Variants in ERC2 observed in about 807,000 individuals in gnomAD.
ERC2 encodes ELKS/RAB6-interacting/CAST family member 2, also known as ERC protein 2.
ERC2 carries 42 observed loss-of-function variants against 114.8 expected under a neutral mutation model. That is an observed-to-expected ratio of 0.37 (90% CI 0.29 to 0.47). ERC2 has a LOEUF of 0.47. Among genes scored for constraint, ERC2 ranks in the 20% least tolerant of loss-of-function variants. The pLI, the probability that ERC2 is intolerant of heterozygous loss-of-function variation, is 0.99. For synonymous variants in ERC2, 454 were observed against 425.5 expected (o/e 1.07, Z -0.82); for missense variants, 939 against 1,150.7 (o/e 0.82, Z 2.66).
intron 2 of ERC2, among the ~76,000 whole-genome samples, chr3:56,311,188 A>C (rs1416417584): frequency 4.1e-5 from 6 of 147,150 alleles, no homozygotes; most frequent in Non-Finnish European, 8.9e-5. Flanking sequence ...ACATTCATAT[A>C]ATTTGTAAAG....
At chr3:55,690,529 T>C (rs1285133156) in intron 16 of ERC2, among the ~76,000 whole-genome samples, 1 of 151,950 alleles carries the variant, frequency 6.6e-6, no homozygotes, top group Non-Finnish European at 1.5e-5. Context: ...AGCTGGAGAG[T>C]GCAGGCTATG....
chr3:56,467,173 T>C (rs2063582111), intron 1 of ERC2: 1 of 152,174 alleles, frequency 6.6e-6, no homozygotes, highest in East Asian at 1.9e-4. Context: ...AAATCACTGA[T>C]TTAAAGAGCC....
At chr3:55,585,675 T>C (rs1301249269) in intron 17 of ERC2, among the ~76,000 whole-genome samples, 1 of 152,158 alleles carries the variant, frequency 6.6e-6, no homozygotes, top group Non-Finnish European at 1.5e-5. Flanking sequence ...AACAAAATCA[T>C]GTAATTGTTA....
At chr3:56,134,268 C>T (rs749709392) in intron 6 of ERC2, among the ~76,000 whole-genome samples, 4 of 152,104 alleles carry the variant, frequency 2.6e-5, no homozygotes, top group East Asian at 1.9e-4. Context: ...GATCAAGATT[C>T]GGTGTGGAAT....
chr3:55,716,562 C>A (rs1319205090), intron 15 of ERC2, among the ~76,000 whole-genome samples: 1 of 152,170 alleles, frequency 6.6e-6, no homozygotes, highest in Non-Finnish European at 1.5e-5. Flanking sequence ...CATCAGCAAG[C>A]CGCTTGATAT....
Position 56,298,894 on chromosome 3 carries a change from G to T in ERC2, c.658-2459C>A, listed in dbSNP as rs187224720. 2.7e-4 allele frequency among the ~76,000 whole-genome samples: 41 copies of T among 152,192 alleles called. 1 individual carries two copies. The East Asian group carries it at 7.0e-3, about 26-fold the overall frequency. ...ACAAAGTTGTCACAAAAATCATGAGGTGGGACCATAAAGTAATCTAACCTT... is the reference window on the plus strand; with the variant it reads ...ACAAAGTTGTCACAAAAATCATGAGTTGGGACCATAAAGTAATCTAACCTT... On this transcript the variant is annotated intron_variant, in intron 2 of 17. Transcript: ENST00000288221.
At chr3:55,867,519 A>G (rs1307060461) in intron 14 of ERC2, among the ~76,000 whole-genome samples, 2 of 152,248 alleles carry the variant, frequency 1.3e-5, no homozygotes, top group Non-Finnish European at 2.9e-5. Flanking sequence ...CAATGACTAG[A>G]GAATAATAAG....
chr3:56,089,653 T>C (rs1486763606), intron 6 of ERC2, among the ~76,000 whole-genome samples: 1 of 152,098 alleles, frequency 6.6e-6, no homozygotes, highest in East Asian at 1.9e-4. Flanking sequence ...AATAGCCATA[T>C]GTGGCTCATG....
chr3:56,232,967 C>T (rs1484950637), intron 3 of ERC2, among the ~76,000 whole-genome samples: 6 of 152,214 alleles, frequency 3.9e-5, no homozygotes, highest in Admixed American at 3.9e-4. Context: ...AAAAACCCTC[C>T]TGAACACCCC....
At chr3:56,256,826 G>T (rs1409197246) in intron 3 of ERC2, among the ~76,000 whole-genome samples, 1 of 152,012 alleles carries the variant, frequency 6.6e-6, no homozygotes, top group Non-Finnish European at 1.5e-5. Flanking sequence ...CTCTCCTGCC[G>T]CCTTGTGAAT....
intron 1 of ERC2, among the ~76,000 whole-genome samples, chr3:56,460,949 T>C (rs2063286484): frequency 7.9e-6 from 1 of 126,750 alleles, no homozygotes; most frequent in Non-Finnish European, 1.6e-5. Flanking sequence ...TGAAACCCCG[T>C]CTCTACTAAA....
At chr3:55,545,449 G>A (rs924465105) in intron 17 of ERC2, among the ~76,000 whole-genome samples, 44 of 152,222 alleles carry the variant, frequency 2.9e-4, no homozygotes, top group African/African-American at 8.9e-4. Flanking sequence ...GCTGCTGTGC[G>A]TCGGATCACG....
chr3:56,356,509 T>A (rs996243624), intron 2 of ERC2, among the ~76,000 whole-genome samples: 4 of 152,152 alleles, frequency 2.6e-5, no homozygotes, highest in African/African-American at 9.7e-5. Flanking sequence ...TTCATTCACA[T>A]CCGACTCCTG....
intron 4 of ERC2, among the ~76,000 whole-genome samples, chr3:56,167,230 T>C (rs1443263094): frequency 1.3e-5 from 2 of 152,200 alleles, no homozygotes; most frequent in Non-Finnish European, 2.9e-5. Flanking sequence ...CTGGTTTATG[T>C]ACTTCATTCC....
intron 2 of ERC2, among the ~76,000 whole-genome samples, chr3:56,300,280 C>CAAA (rs200816892): frequency 1.1e-5 from 1 of 93,218 alleles, no homozygotes; most frequent in African/African-American, 4.7e-5. Context: ...TCATGAAATA[C>CAAA]AAAAAAAAAA....
chr3:56,323,944 A>C (rs2150430850), intron 2 of ERC2, among the ~76,000 whole-genome samples: 1 of 152,336 alleles, frequency 6.6e-6, no homozygotes, highest in Non-Finnish European at 1.5e-5. Flanking sequence ...GAGTAGAAAA[A>C]AAAAGAAACC....
At chr3:55,850,269 A>G (rs1452472498) in intron 14 of ERC2, among the ~76,000 whole-genome samples, 5 of 152,182 alleles carry the variant, frequency 3.3e-5, no homozygotes, top group Admixed American at 3.3e-4. Flanking sequence ...TACATCTGAA[A>G]AGACCCTTAT....
At chr3:55,804,507 G>A (rs1406690421) in intron 14 of ERC2, among the ~76,000 whole-genome samples, 3 of 152,128 alleles carry the variant, frequency 2.0e-5, no homozygotes, top group Non-Finnish European at 4.4e-5. Flanking sequence ...AAAACAACTA[G>A]GTATCCCTGT....
chr3:56,348,895 G>GGAAA (rs1491547912), intron 2 of ERC2, among the ~76,000 whole-genome samples: 740 of 33,074 alleles, frequency 0.022, 6 homozygotes, highest in African/African-American at 0.033. Context: ...AAGGAAGGAA[G>GGAAA]GAAGGAAGGA....
Sources: allele counts gnomAD v4.1 joint callset (sites outside exome capture counted in the v4.1 genomes callset), GRCh38; gene constraint gnomAD v4.1.1; transcripts MANE v1.5; gene names NCBI Gene and HGNC (gene_info 2026-07-23, HGNC 2026-07-21).